NUDCD1: variants seen among roughly 807,000 people sequenced by gnomAD.
The protein encoded by NUDCD1 is NudC domain containing 1.
Under a neutral mutation model 67.8 loss-of-function variants are expected in NUDCD1, and 60 were observed. The ratio of observed to expected loss-of-function variants is 0.88; its 90% CI spans 0.72 to 1.10. The LOEUF (loss-of-function observed/expected upper bound fraction) is 1.10. Among genes scored for constraint, NUDCD1 ranks in the 50% least tolerant of loss-of-function variants. The probability of loss-of-function intolerance (pLI) is 0.00; values close to 1 mark genes in which losing one functional copy is unlikely to be tolerated. For synonymous variants in NUDCD1, 244 were observed against 230.8 expected, an observed-to-expected ratio of 1.06 and a Z score of -0.52; for missense variants, 643 against 695.0, an observed-to-expected ratio of 0.93 and a Z score of 0.84.
At chr8:109,281,485 CCTTTA>C (rs1286515290) in intron 5 of NUDCD1, among the ~76,000 whole-genome samples, 1 of 152,042 alleles carries the variant, frequency 6.6e-6, no homozygotes, top group East Asian at 1.9e-4. Context: ...CTCCTTCTTT[CCTTTA>C]AACAAACACA....
chr8:109,294,084 C>T (rs1814777565), intron 3 of NUDCD1, among the ~76,000 whole-genome samples: 1 of 151,644 alleles, frequency 6.6e-6, no homozygotes, highest in Admixed American at 6.6e-5. Flanking sequence ...CTTTCTTATA[C>T]CACAAACACA....
Position 109,322,395 on chromosome 8 carries a change from T to C in NUDCD1, c.187A>G (p.Asn63Asp). Residue 63 changes from asparagine (N) to aspartate (D), a missense_variant, in exon 2 of 10, where the codon AAT becomes GAT. Coordinates refer to ENST00000239690, the MANE Select transcript of NUDCD1 (RefSeq NM_032869.4). ...TACCATGAATCACAGTGCAGGTAATTATACATTCCAAAAGCATGCATGTGT... is the reference window on the plus strand; with the variant it reads ...TACCATGAATCACAGTGCAGGTAATCATACATTCCAAAAGCATGCATGTGT... ...LEHMHAFGMYNYLHCDSWYQD... is the reference protein window; with the variant it reads ...LEHMHAFGMYDYLHCDSWYQD... 1.2e-6 allele frequency: 2 copies of C among 1,603,136 alleles called. No individual in the cohort carries two copies. Among genetic ancestry groups the C allele is most frequent in the Admixed American group, 1.7e-5 (1 of 60,010 alleles).
chr8:109,270,583 T>C (rs947638189), intron 8 of NUDCD1, among the ~76,000 whole-genome samples: 4 of 152,158 alleles, frequency 2.6e-5, no homozygotes, highest in African/African-American at 4.8e-5. Flanking sequence ...TCATAAATAA[T>C]GTACTTTAAA....
At chr8:109,301,160 A>T (rs760938666) in intron 2 of NUDCD1, among the ~76,000 whole-genome samples, 1 of 152,172 alleles carries the variant, frequency 6.6e-6, no homozygotes, top group African/African-American at 2.4e-5. Context: ...ACAACTGAAG[A>T]TCCACAAAAG....
intron 6 of NUDCD1, among the ~76,000 whole-genome samples, chr8:109,280,193 C>T (rs565986495): frequency 6.6e-6 from 1 of 152,050 alleles, no homozygotes; most frequent in South Asian, 2.1e-4. Flanking sequence ...AATAAAATAC[C>T]GTGATGTCAT....
chr8:109,275,003 G>A (rs1814246770), intron 7 of NUDCD1, among the ~76,000 whole-genome samples: 1 of 152,098 alleles, frequency 6.6e-6, no homozygotes, highest in African/African-American at 2.4e-5. Flanking sequence ...GGGATAAGTA[G>A]ATTCTTAGCA....
intron 5 of NUDCD1, among the ~76,000 whole-genome samples, chr8:109,288,274 G>T (rs1586280589): frequency 6.6e-6 from 1 of 152,128 alleles, no homozygotes; most frequent in Non-Finnish European, 1.5e-5. Context: ...GCTTCAATCT[G>T]TCTTGGAACT....
At chr8:109,272,865 G>A (rs922014280) in intron 7 of NUDCD1, among the ~76,000 whole-genome samples, 28 of 152,062 alleles carry the variant, frequency 1.8e-4, no homozygotes, top group African/African-American at 6.3e-4. Flanking sequence ...TAAAGGCACC[G>A]CCAACAATCT....
chr8:109,273,518 A>C (rs1220033635), intron 7 of NUDCD1, among the ~76,000 whole-genome samples: 1 of 152,124 alleles, frequency 6.6e-6, no homozygotes, highest in East Asian at 1.9e-4. Context: ...AAAAAGAGCA[A>C]AATATATCCC....
chr8:109,315,499 T>G (rs1281907256), intron 2 of NUDCD1: 4 of 152,128 alleles, frequency 2.6e-5, no homozygotes, highest in Non-Finnish European at 5.9e-5. Context: ...CTGCTCTCCA[T>G]CCCATTCAAT....
chr8:109,293,556 G>A (rs755518263), intron 3 of NUDCD1, 32 bp from the exon 4 acceptor site: 3 of 1,266,172 alleles, frequency 2.4e-6, no homozygotes, highest in South Asian at 1.6e-5. Context: ...ACAAAAAAGT[G>A]TACATAATTA....
At chr8:109,321,928 C>T (rs1345799264) in intron 2 of NUDCD1, among the ~76,000 whole-genome samples, 2 of 151,994 alleles carry the variant, frequency 1.3e-5, no homozygotes, top group South Asian at 2.1e-4. Context: ...ATAAAACAAT[C>T]CTAAATGTTT....
At chr8:109,271,591 T>C (rs970453207) in intron 7 of NUDCD1, among the ~76,000 whole-genome samples, 1 of 152,020 alleles carries the variant, frequency 6.6e-6, no homozygotes, top group African/African-American at 2.4e-5. Flanking sequence ...TATCAAATGG[T>C]CTAGCATATG....
rs1357263539 is a variant in NUDCD1 at position 109,282,002 on chromosome 8, C to T, written c.824-830G>A. On this transcript the variant is annotated intron_variant, in intron 5 of 9. Transcript: ENST00000239690. Reference sequence around the variant, plus strand: ...TCCTAGATTAGGAGCTCATGCCATCCCCCGAACCCTGTCCAGAGAACTTGG... The same window carrying T: ...TCCTAGATTAGGAGCTCATGCCATCTCCCGAACCCTGTCCAGAGAACTTGG... Among the ~76,000 whole-genome samples the T allele has an allele frequency of 2.0e-5, 3 of 152,266 alleles. No homozygotes were observed. The East Asian group carries it at 5.8e-4, about 29-fold the overall frequency.
In NUDCD1 at chr8:109,281,141, A is replaced by G; in HGVS notation, c.855T>C (p.Asp285=). Residue 285 remains aspartate, a synonymous_variant, in exon 6 of 10, where the codon GAT becomes GAC. Coordinates refer to ENST00000239690, the MANE Select transcript of NUDCD1 (RefSeq NM_032869.4). ...GAAGCCGTATGGTTACTGTCAAATC[A>G]TCTTCAGTCTGTTGCCAGTAATACA... The part of the protein sequence containing the change: ...EPLYYWQQTE[D]DLTVTIRLPE... 6.2e-7 allele frequency: 1 copy of G among 1,613,128 alleles called. No individual in the cohort carries two copies. The highest frequency in any genetic ancestry group is 8.5e-7 in the Non-Finnish European group (1 of 1,179,360).
chr8:109,322,188 C>A, intron 2 of NUDCD1, 121 bp downstream of exon 2: 1 of 489,706 alleles, frequency 2.0e-6, no homozygotes, highest in Non-Finnish European at 3.7e-6. Flanking sequence ...GATAGGATTC[C>A]ATATACTACA....
At chr8:109,252,992 C>T (rs1392578304) in intron 8 of NUDCD1, among the ~76,000 whole-genome samples, 1 of 152,202 alleles carries the variant, frequency 6.6e-6, no homozygotes, top group African/African-American at 2.4e-5. Context: ...TCAATATCTA[C>T]AAGAGGTTCC....
At chr8:109,243,467 A>G (rs1307506943) in intron 9 of NUDCD1, among the ~76,000 whole-genome samples, 166 bp from the exon 10 acceptor site, 1 of 152,220 alleles carries the variant, frequency 6.6e-6, no homozygotes, top group East Asian at 1.9e-4. Context: ...ATTAGCCACA[A>G]TCAGTCTCTC....
At chr8:109,305,136 C>T (rs1815074103) in intron 2 of NUDCD1, among the ~76,000 whole-genome samples, 1 of 152,044 alleles carries the variant, frequency 6.6e-6, no homozygotes, top group Admixed American at 6.6e-5. Flanking sequence ...GGCCCCCTCC[C>T]TTCCCTACAC....
Sources: gnomAD v4.1 joint callset for allele counts (sites outside exome capture counted in the v4.1 genomes callset) on GRCh38, gnomAD v4.1.1 for gene constraint, MANE v1.5 for transcripts, NCBI Gene and HGNC (gene_info 2026-07-23, HGNC 2026-07-21) for gene names.